The following PIEZO1 variants were observed in gnomAD, a reference collection of about 807,000 sequenced individuals.
PIEZO1 encodes the protein piezo-type mechanosensitive ion channel component 1.
Under a neutral mutation model 297.2 loss-of-function variants are expected in PIEZO1, and 296 were observed. That is an observed-to-expected ratio of 1.00 (90% CI 0.91 to 1.10). The LOEUF (loss-of-function observed/expected upper bound fraction) is 1.10, where lower values mean the gene tolerates loss of function less well. PIEZO1 is among the 50% of genes least tolerant of loss of function. The probability of loss-of-function intolerance (pLI) is 0.00; values close to 1 mark genes in which losing one functional copy is unlikely to be tolerated. For missense variants in PIEZO1, 5,018 were observed against 3,455.5 expected (o/e 1.45, Z -11.34); for synonymous variants, 2,427 against 1,507.5 (o/e 1.61, Z -14.13).
At chr16:88,764,038 A>G (rs895051319) in intron 1 of PIEZO1, among the ~76,000 whole-genome samples, 2 of 152,178 alleles carry the variant, frequency 1.3e-5, no homozygotes, top group African/African-American at 2.4e-5. Context: ...GATGAGCCAC[A>G]GTTAGCACCA....
At chr16:88,719,452 C>CA (rs1252475475) in intron 44 of PIEZO1, 122 bp downstream of exon 44, 1 of 910,398 alleles carries the variant, frequency 1.1e-6, no homozygotes, top group Non-Finnish European at 1.7e-6. Context: ...CTCATGTCCC[C>CA]ATGGGCTCCG....
At chr16:88,777,636 A>G (rs1237051474) in intron 1 of PIEZO1, among the ~76,000 whole-genome samples, 2 of 152,186 alleles carry the variant, frequency 1.3e-5, no homozygotes, top group African/African-American at 4.8e-5. Context: ...TGCTTTAATG[A>G]TGTGTCGTTT....
In PIEZO1 at chr16:88,726,958, C is replaced by T; in HGVS notation, c.3456G>A (p.Arg1152=). The change falls in exon 25 of 51, where the codon AGG becomes AGA. Residue 1152 remains arginine, a splice_region_variant and synonymous_variant. Transcript: ENST00000301015. ...PNPVPNFIHC[R]SYLDMLKVAV... is the part of the protein sequence containing the mutation. Reference sequence around the variant, plus strand: ...CCACCTTCAGCATGTCAAGGTAGGACCTGCCAGGCCGGAGCGTCAGGGCGG... The same window carrying T: ...CCACCTTCAGCATGTCAAGGTAGGATCTGCCAGGCCGGAGCGTCAGGGCGG... 1.3e-6 allele frequency: 2 copies of T among 1,550,332 alleles called. No individual in the cohort carries two copies. Among genetic ancestry groups the T allele is most frequent in the Non-Finnish European group, 8.7e-7 (1 of 1,146,836 alleles).
chr16:88,773,600 G>C (rs1293406882), intron 1 of PIEZO1, among the ~76,000 whole-genome samples: 1 of 152,240 alleles, frequency 6.6e-6, no homozygotes, highest in Non-Finnish European at 1.5e-5. Context: ...CAGGGAAAAG[G>C]CTGACAGGCA....
At chr16:88,780,867 G>A (rs930018048) in intron 1 of PIEZO1, among the ~76,000 whole-genome samples, 9 of 152,234 alleles carry the variant, frequency 5.9e-5, no homozygotes, top group African/African-American at 2.2e-4. Flanking sequence ...TGAGGCAGGA[G>A]GATGGCTTGA....
chr16:88,722,089 G>C, intron 36 of PIEZO1, 23 bp from the exon 37 acceptor site: 4 of 1,538,602 alleles, frequency 2.6e-6, no homozygotes, highest in South Asian at 1.2e-5. Flanking sequence ...CCGCGTGTTT[G>C]GGGGAGTCTG....
Position 88,727,549 on chromosome 16 carries a change from G to T in PIEZO1, c.3301+8C>A. The T allele has an allele frequency of 8.3e-7, 1 of 1,199,092 alleles. No individual in the cohort carries two copies. Among genetic ancestry groups the T allele is most frequent in the Non-Finnish European group, 1.2e-6 (1 of 846,726 alleles). 74.3% of individuals were successfully genotyped at this position (1,199,092 alleles called of 1,614,324 possible). The stretch of plus-strand genomic sequence containing the variant: ...TCTGCAGAGGCGGGGGTGGTGGGGG[G>T]CACTCACTGATGAGGTTGGTGGAGT... On this transcript the variant is annotated splice_region_variant and intron_variant, in intron 23 of 50. Transcript: ENST00000301015.
chr16:88,730,074 C>T (rs183643688), intron 22 of PIEZO1, among the ~76,000 whole-genome samples: 163 of 152,328 alleles, frequency 1.1e-3, no homozygotes, highest in African/African-American at 3.8e-3. Flanking sequence ...GGACAGGAGA[C>T]GGGGAGCTGG....
In PIEZO1 at chr16:88,735,469, A is replaced by G. The variant is rs1905147569; in HGVS notation, c.1558-223T>C. Among the ~76,000 whole-genome samples, 3 of 152,402 alleles carry G rather than the reference A, an allele frequency of 2.0e-5. No homozygotes were observed. The South Asian group carries it at 6.2e-4, about 32-fold the overall frequency. On this transcript the variant is annotated intron_variant, in intron 12 of 50. Coordinates refer to ENST00000301015, the MANE Select transcript of PIEZO1 (RefSeq NM_001142864.4). ...CATCCATGGATGAGTGCATGGGTTC[A>G]CTTGCGCTCACACGCAGAGTCACAC... is the stretch of plus-strand genomic sequence containing the variant.
Position 88,776,408 on chromosome 16 carries a change from A to T in PIEZO1, c.64+8493T>A, listed in dbSNP as rs113278034. 7.1e-3 allele frequency among the ~76,000 whole-genome samples: 1,085 copies of T among 151,958 alleles called. 22 individuals carry two copies. The highest frequency in any genetic ancestry group is 0.025 in the African/African-American group (1,045 of 41,376). ...CAGACTGGGCCACTGCACTCCAGCC[A>T]GGGCGACAGAGCGAGACTCTGTCTC... On this transcript the variant is annotated intron_variant, in intron 1 of 50. Transcript: ENST00000301015.
chr16:88,783,772 C>A (rs1037210236), intron 1 of PIEZO1, among the ~76,000 whole-genome samples: 2 of 152,202 alleles, frequency 1.3e-5, no homozygotes, highest in Admixed American at 6.5e-5. Context: ...AGAAAATCTT[C>A]CCCAAGTTTC....
In PIEZO1 at chr16:88,726,962, C is replaced by T; in HGVS notation, c.3456-4G>A. The T allele has an allele frequency of 6.5e-7, 1 of 1,550,244 alleles. No individual in the cohort carries two copies. Among genetic ancestry groups the T allele is most frequent in the East Asian group, 2.4e-5 (1 of 40,906 alleles). Reference sequence around the variant, plus strand: ...CTTCAGCATGTCAAGGTAGGACCTGCCAGGCCGGAGCGTCAGGGCGGGCGC... The same window carrying T: ...CTTCAGCATGTCAAGGTAGGACCTGTCAGGCCGGAGCGTCAGGGCGGGCGC... On this transcript the variant is annotated splice_polypyrimidine_tract_variant and splice_region_variant and intron_variant, in intron 24 of 50. Coordinates refer to ENST00000301015, the MANE Select transcript of PIEZO1 (RefSeq NM_001142864.4).
At chr16:88,741,247 G>C (rs759921610) in intron 5 of PIEZO1, 1 of 488,102 alleles carries the variant, frequency 2.0e-6, no homozygotes, top group East Asian at 3.6e-5. Context: ...TGCCATGTCG[G>C]GGCGTGGAGG....
In PIEZO1 at chr16:88,716,000, G is replaced by A. The variant is rs1373788081; in HGVS notation, c.7249C>T (p.Leu2417=). 1.3e-6 allele frequency: 2 copies of A among 1,550,118 alleles called. No homozygotes were observed. Among genetic ancestry groups the A allele is most frequent in the African/African-American group, 2.7e-5 (2 of 73,056 alleles). ...TCACTGAAAATGACCATGGGCAGCA[G>A]GTTGCAGTCGGTCCGGCACTCCTGC... ...ELQECRTDCN[L]LPMVIFSDKV... Residue 2417 remains leucine, a synonymous_variant, in exon 50 of 51, where the codon CTG becomes TTG. Transcript: ENST00000301015.
At chr16:88,727,288 T>G (rs916196244) in intron 23 of PIEZO1, 96 bp from the exon 24 acceptor site, 1 of 1,346,370 alleles carries the variant, frequency 7.4e-7, no homozygotes, top group Non-Finnish European at 9.9e-7. Context: ...CCTGTCGGCG[T>G]GCAGCCGCTG....
chr16:88,757,321 G>GT lies in PIEZO1; in HGVS notation c.65-7843_65-7842insA, dbSNP rs1244719486. On this transcript the variant is annotated intron_variant, in intron 1 of 50. Coordinates refer to ENST00000301015, the MANE Select transcript of PIEZO1 (RefSeq NM_001142864.4). ...GGGTATGCAGGGGGCGTTGCTGGCG[G>GT]GGGGGTGGGGGGTAGTTACCTAACC... 6.2e-4 allele frequency among the ~76,000 whole-genome samples: 76 copies of GT among 122,648 alleles called. 5 individuals are homozygous for GT. Among genetic ancestry groups the GT allele is most frequent in the Non-Finnish European group, 1.0e-3 (63 of 60,366 alleles). 80.5% of individuals were successfully genotyped at this position (122,648 alleles called of 152,430 possible).
At position 88,721,602 on chromosome 16, in the gene PIEZO1, T is replaced by A. The variant is rs941321739; in HGVS notation, c.5339A>T (p.Asp1780Val). Residue 1780 changes from aspartate to valine, a missense_variant, in exon 38 of 51, where the codon GAC (aspartate) becomes GTC (valine). Transcript: ENST00000301015. ...PPRILGLEKT[D>V]GYIKYDLVQL... Reference sequence around the variant, plus strand: ...CACCAGGTCGTACTTGATGTAGCCGTCAGTCTTCTCCAGGCCCAGGATGCG... The same window carrying A: ...CACCAGGTCGTACTTGATGTAGCCGACAGTCTTCTCCAGGCCCAGGATGCG... 133 of 1,550,126 alleles carry A rather than the reference T, an allele frequency of 8.6e-5. No individual in the cohort carries two copies. The highest frequency in any genetic ancestry group is 1.1e-4 in the Non-Finnish European group (129 of 1,146,918).
rs147997608 is a variant in PIEZO1 at position 88,723,850 on chromosome 16, G to A, written c.4335+21C>T. The A allele has an allele frequency of 5.0e-3, 6,628 of 1,323,598 alleles. 51 individuals carry two copies. The highest frequency in any genetic ancestry group is 0.03 in the Middle Eastern group (170 of 5,578). 82.0% of individuals were successfully genotyped at this position (1,323,598 alleles called of 1,614,324 possible). ...CAAGCTCTGTGGTTGGAGTGGGGCC[G>A]ACGGGGCTCTCCCACCTCACCTGGA... On this transcript the variant is annotated intron_variant, in intron 31 of 50. Transcript: ENST00000301015.
intron 1 of PIEZO1, among the ~76,000 whole-genome samples, chr16:88,760,565 T>C (rs1286346439): frequency 6.6e-6 from 1 of 151,474 alleles, no homozygotes; most frequent in Non-Finnish European, 1.5e-5. Flanking sequence ...CAGGCAGGGA[T>C]CCGAGGGGAA....
Sources: allele counts gnomAD v4.1 joint callset (sites outside exome capture counted in the v4.1 genomes callset), GRCh38; gene constraint gnomAD v4.1.1; transcripts MANE v1.5; gene names NCBI Gene and HGNC (gene_info 2026-07-23, HGNC 2026-07-21).